The following URB1 variants were observed in gnomAD, a reference collection of about 807,000 sequenced individuals.
URB1 encodes the protein nucleolar pre-ribosomal-associated protein 1.
A neutral mutation model predicts 242.3 loss-of-function variants in URB1; 197 were observed. The ratio of observed to expected loss-of-function variants is 0.81; its 90% CI spans 0.72 to 0.91. The LOEUF is 0.91. Among genes scored for constraint, URB1 ranks in the 40% least tolerant of loss-of-function variants. The pLI, the probability that URB1 is intolerant of heterozygous loss-of-function variation, is 0.00. For synonymous variants in URB1, 1,153 were observed against 1,201.8 expected, an observed-to-expected ratio of 0.96 and a Z score of 0.84; for missense variants, 2,721 against 2,860.5, an observed-to-expected ratio of 0.95 and a Z score of 1.11.
intron 1 of URB1, among the ~76,000 whole-genome samples, chr21:32,386,321 G>A (rs931861619): frequency 5.3e-4 from 81 of 152,300 alleles, no homozygotes; most frequent in Non-Finnish European, 7.9e-4. Context: ...CTCCCTCTCT[G>A]CATGTGGATA....
intron 28 of URB1, among the ~76,000 whole-genome samples, chr21:32,336,304 A>C (rs577456337): frequency 3.3e-5 from 5 of 152,072 alleles, no homozygotes; most frequent in Admixed American, 1.3e-4. Context: ...TTTGACGTGG[A>C]AATTGTTTTC....
In URB1 at chr21:32,376,052, G is replaced by A. The variant is rs561072989; in HGVS notation, c.665-569C>T. Among the ~76,000 whole-genome samples the A allele has an allele frequency of 1.6e-3, 248 of 152,344 alleles. 1 individual carries two copies. Among genetic ancestry groups the A allele is most frequent in the African/African-American group, 5.5e-3 (228 of 41,582 alleles). On this transcript the variant is annotated intron_variant, in intron 5 of 38. Transcript: ENST00000382751. ...ATGACAGAACTTTTTAAGAAGTTCA[G>A]TAGGTCTTTAGTTCCATTTTACTTT...
At chr21:32,333,175 T>A in intron 30 of URB1, 142 bp downstream of exon 30, 1 of 742,098 alleles carries the variant, frequency 1.3e-6, no homozygotes, top group Non-Finnish European at 2.3e-6. Flanking sequence ...AATGAACAGA[T>A]GAGGATGGCT....
In URB1 at chr21:32,380,061, G is replaced by A. The variant is rs569031890; in HGVS notation, c.568-1520C>T. 1.6e-3 allele frequency among the ~76,000 whole-genome samples: 248 copies of A among 152,092 alleles called. 1 individual carries two copies. The highest frequency in any genetic ancestry group is 5.5e-3 in the African/African-American group (228 of 41,486). ...ATAAGAAGTAATTGTACAAACATAC[G>A]ACTTATGTTCAACTACAGAGAAGTT... On this transcript the variant is annotated intron_variant, in intron 4 of 38. Transcript: ENST00000382751.
intron 22 of URB1, among the ~76,000 whole-genome samples, chr21:32,346,571 CA>C (rs1441495520): frequency 1.3e-5 from 2 of 152,226 alleles, no homozygotes; most frequent in African/African-American, 4.8e-5. Flanking sequence ...CTCGACTCAA[CA>C]TCAACTCATC....
chr21:32,314,310 G>A lies in URB1; in HGVS notation c.*608C>T, dbSNP rs947471957. On this transcript the variant is annotated 3_prime_UTR_variant, in exon 39 of 39. Coordinates refer to ENST00000382751, the MANE Select transcript of URB1 (RefSeq NM_014825.3). ...AGCGATTCCCCTGCCTTAGCCTCCC[G>A]AGTAGCTGGAATTACAGGTGTGCGC... 6.2e-5 allele frequency: 26 copies of A among 417,996 alleles called. No individual in the cohort carries two copies. The highest frequency in any genetic ancestry group is 9.9e-5 in the Non-Finnish European group (22 of 221,724). 25.9% of individuals were successfully genotyped at this position (417,996 alleles called of 1,614,324 possible).
chr21:32,319,986 T>C (rs1459168125), intron 35 of URB1, among the ~76,000 whole-genome samples: 1 of 152,202 alleles, frequency 6.6e-6, no homozygotes, highest in East Asian at 1.9e-4. Flanking sequence ...GGTCTTCATC[T>C]TTTCAGACAG....
rs760115573 is a variant in URB1 at position 32,341,482 on chromosome 21, C to T, written c.4300G>A (p.Val1434Met). The T allele has an allele frequency of 9.7e-6, 15 of 1,551,436 alleles. No individual in the cohort carries two copies. The highest frequency in any genetic ancestry group is 5.9e-5 in the Admixed American group (3 of 50,990). The stretch of plus-strand genomic sequence containing the variant: ...TCAACTTACTTGAGTCCCTTCTTCA[C>T]GAATTTCTGCCAGTCACCAGGATCA... ...EVDPGDWQKF[V>M]KKGLKFRYQD... The change falls in exon 25 of 39, where the codon GTG becomes ATG. Residue 1434 changes from valine (V) to methionine (M), a missense_variant. Physicochemically the swap from Val to Met is conservative, Grantham distance 21 (BLOSUM62 1). Transcript: ENST00000382751.
chr21:32,386,157 A>G (rs2033582019), intron 1 of URB1, among the ~76,000 whole-genome samples: 1 of 152,008 alleles, frequency 6.6e-6, no homozygotes, highest in Non-Finnish European at 1.5e-5. Context: ...TCAGGAAAAA[A>G]AAAAAAAAAG....
chr21:32,317,755 C>T lies in URB1; in HGVS notation c.5955G>A (p.Trp1985Ter). Residue 1985 changes from tryptophan to a stop codon, truncating the protein, a stop_gained, in exon 37 of 39, where the codon TGG becomes TGA. Coordinates refer to ENST00000382751, the MANE Select transcript of URB1 (RefSeq NM_014825.3). LOFTEE classifies it high-confidence loss of function. ...GCTTGAGGTCTCTTTCAATGAGGCT[C>T]CACTTGTGCAAGAGGACAAGGACGT... ...TKDVLVLLHK[W>*]SLIERDLKLQ... The T allele has an allele frequency of 6.4e-7, 1 of 1,551,896 alleles. No individual in the cohort carries two copies. The highest frequency in any genetic ancestry group is 8.7e-7 in the Non-Finnish European group (1 of 1,147,038).
rs2033560659 is a variant in URB1 at position 32,384,534 on chromosome 21, T to C, written c.283-70A>G. On this transcript the variant is annotated intron_variant, in intron 2 of 38. Coordinates refer to ENST00000382751, the MANE Select transcript of URB1 (RefSeq NM_014825.3). ...TTCCTCCTGTACATATATGCTCCTTTTGTCTTAGCCATAGTTACTTGTAGG... is the reference window on the plus strand; with the variant it reads ...TTCCTCCTGTACATATATGCTCCTTCTGTCTTAGCCATAGTTACTTGTAGG... 4.0e-6 allele frequency: 6 copies of C among 1,502,230 alleles called. No homozygotes were observed. The South Asian group carries it at 7.7e-5, about 19-fold the overall frequency. The allele number at this position is 1,502,230 out of a possible 1,614,324, so 93.1% of individuals were successfully genotyped here.
At chr21:32,385,022 A>T (rs1298295906) in intron 2 of URB1, among the ~76,000 whole-genome samples, 1 of 152,106 alleles carries the variant, frequency 6.6e-6, no homozygotes, top group Non-Finnish European at 1.5e-5. Context: ...AAAGAAAGAA[A>T]GAAAGAAAGA....
intron 28 of URB1, 91 bp from the exon 29 acceptor site, chr21:32,334,425 C>G (rs2123562023): frequency 1.4e-6 from 2 of 1,403,984 alleles, no homozygotes; most frequent in South Asian, 2.9e-5. Flanking sequence ...AGTTGTCAGG[C>G]TGCCAGTTCA....
In URB1 at chr21:32,352,884, C is replaced by CA. The variant is rs1177070863; in HGVS notation, c.2438dup (p.Thr814AspfsTer6). The CA allele has an allele frequency of 6.5e-7, 1 of 1,550,034 alleles. No homozygotes were observed. The highest frequency in any genetic ancestry group is 8.7e-7 in the Non-Finnish European group (1 of 1,146,164). On this transcript the variant is annotated frameshift_variant, in exon 19 of 39. Transcript: ENST00000382751. LOFTEE classifies it high-confidence loss of function. ...GGAGGAGGTCAGTCAGCACTGCCGT[C>CA]AGATATGTCACAACGTTTTCCGCTG... is the stretch of plus-strand genomic sequence containing the variant.
chr21:32,326,838 G>A (rs1004349849), intron 30 of URB1, among the ~76,000 whole-genome samples: 17 of 151,996 alleles, frequency 1.1e-4, no homozygotes, highest in Admixed American at 4.6e-4. Context: ...ATCCAGTCTC[G>A]GGTTCTTTAT....
Position 32,341,526 on chromosome 21 carries a change from T to C in URB1, c.4258-2A>G. The stretch of plus-strand genomic sequence containing the variant: ...AGGATCAACTTCATTAAGTGCATGC[T>C]ATGAATAAAATAAGTAAGAAAAACA... On this transcript the variant is annotated splice_acceptor_variant, in intron 24 of 38. Transcript: ENST00000382751. LOFTEE classifies it high-confidence loss of function. The C allele has an allele frequency of 1.3e-6, 2 of 1,551,256 alleles. No homozygotes were observed. The highest frequency in any genetic ancestry group is 2.4e-5 in the East Asian group (1 of 40,920).
chr21:32,371,332 T>C (rs2033403818), intron 8 of URB1, among the ~76,000 whole-genome samples: 1 of 152,202 alleles, frequency 6.6e-6, no homozygotes, highest in Non-Finnish European at 1.5e-5. Context: ...CACCCACAAG[T>C]TGATTCAATA....
At chr21:32,378,564 A>C (rs1285561605) in intron 4 of URB1, 23 bp from the exon 5 acceptor site, 1 of 1,538,418 alleles carries the variant, frequency 6.5e-7, no homozygotes. Flanking sequence ...GGAGACCTAC[A>C]TGTCACATGC....
intron 14 of URB1, 137 bp downstream of exon 14, chr21:32,359,659 C>G: frequency 1.4e-6 from 1 of 711,960 alleles, no homozygotes; most frequent in Non-Finnish European, 2.2e-6. Flanking sequence ...TGCTGTGGGT[C>G]TCTCTAAAAT....
Sources: gnomAD v4.1 joint callset for allele counts (sites outside exome capture counted in the v4.1 genomes callset) on GRCh38, gnomAD v4.1.1 for gene constraint, MANE v1.5 for transcripts, NCBI Gene and HGNC (gene_info 2026-07-23, HGNC 2026-07-21) for gene names.